Variants in RTN1 observed in about 807,000 individuals in gnomAD.
RTN1 encodes reticulon 1, also known as reticulon-1.
In RTN1, 25 loss-of-function variants were observed where a neutral mutation model predicts 65.5. The ratio of observed to expected loss-of-function variants is 0.38; its 90% CI spans 0.28 to 0.53. RTN1 has a LOEUF of 0.53. Ranked by LOEUF, RTN1 falls within the 20% of genes least tolerant of loss-of-function variation. RTN1 has a pLI of 0.79. For synonymous variants in RTN1, 471 were observed against 447.6 expected (o/e 1.05, Z -0.66); for missense variants, 983 against 1,025.4 (o/e 0.96, Z 0.57).
intron 1 of RTN1, among the ~76,000 whole-genome samples, chr14:59,768,912 T>G (rs1158602456): frequency 1.3e-5 from 2 of 152,154 alleles, no homozygotes; most frequent in African/African-American, 4.8e-5. Flanking sequence ...TAGAGAAAAG[T>G]CAGAGACTTG....
chr14:59,765,310 A>T lies in RTN1; in HGVS notation c.242-18829T>A, dbSNP rs576246753. Reference sequence around the variant, plus strand: ...TCAAACAAAAGTCCTTTTGCTGTAGAAGTGCCTGGTTATGGAAGTTTCTCA... The same window carrying T: ...TCAAACAAAAGTCCTTTTGCTGTAGTAGTGCCTGGTTATGGAAGTTTCTCA... On this transcript the variant is annotated intron_variant, in intron 1 of 8. Transcript: ENST00000267484. Among the ~76,000 whole-genome samples the T allele has an allele frequency of 5.3e-5, 8 of 152,308 alleles. No homozygotes were observed. The South Asian group carries it at 1.7e-3, about 32-fold the overall frequency.
chr14:59,866,622 A>T (rs911554599), intron 1 of RTN1, among the ~76,000 whole-genome samples: 3 of 152,178 alleles, frequency 2.0e-5, no homozygotes, highest in Non-Finnish European at 2.9e-5. Flanking sequence ...TATTGATTGT[A>T]TCCAGAGGAT....
chr14:59,693,530 C>A (rs1884003595), intron 3 of RTN1, among the ~76,000 whole-genome samples: 1 of 152,132 alleles, frequency 6.6e-6, no homozygotes, highest in East Asian at 1.9e-4. Flanking sequence ...TCCTATCAGA[C>A]CCCAAAGTCC....
intron 3 of RTN1, among the ~76,000 whole-genome samples, chr14:59,696,650 TG>T (rs1396098681): frequency 6.6e-6 from 1 of 152,104 alleles, no homozygotes; most frequent in African/African-American, 2.4e-5. Flanking sequence ...TCTACCAAGG[TG>T]TGGAGTCCAC....
At chr14:59,646,259 A>C (rs768523726) in intron 3 of RTN1, among the ~76,000 whole-genome samples, 7 of 152,238 alleles carry the variant, frequency 4.6e-5, no homozygotes, top group African/African-American at 1.7e-4. Flanking sequence ...TATACAGATA[A>C]AGAAAAAATA....
intron 3 of RTN1, chr14:59,630,298 G>T: frequency 1.1e-6 from 1 of 916,076 alleles, no homozygotes; most frequent in Non-Finnish European, 1.6e-6. Context: ...TTTGATTCTT[G>T]AAATAAGAGG....
chr14:59,857,371 T>G (rs1334134389), intron 1 of RTN1, among the ~76,000 whole-genome samples: 1 of 152,186 alleles, frequency 6.6e-6, no homozygotes, highest in Non-Finnish European at 1.5e-5. Flanking sequence ...GAAATTTCCA[T>G]TCAAATGGCT....
intron 1 of RTN1, among the ~76,000 whole-genome samples, chr14:59,753,240 G>T (rs796091514): frequency 6.6e-6 from 1 of 152,066 alleles, no homozygotes; most frequent in Non-Finnish European, 1.5e-5. Flanking sequence ...GCTATAAATA[G>T]AATCAACAAT....
intron 5 of RTN1, chr14:59,604,579 T>G (rs1881684090): frequency 6.6e-6 from 1 of 152,308 alleles, no homozygotes; most frequent in Non-Finnish European, 1.5e-5. Flanking sequence ...AAGTCATTAT[T>G]CCAGTAAAGC....
chr14:59,775,273 G>C (rs756544521), intron 1 of RTN1, among the ~76,000 whole-genome samples: 2 of 152,172 alleles, frequency 1.3e-5, no homozygotes, highest in Non-Finnish European at 2.9e-5. Flanking sequence ...CTGGGTCCCT[G>C]AATCACCTTT....
intron 1 of RTN1, among the ~76,000 whole-genome samples, chr14:59,812,941 T>C (rs1886755601): frequency 6.6e-6 from 1 of 152,188 alleles, no homozygotes; most frequent in South Asian, 2.1e-4. Context: ...AATAAAAGAA[T>C]TGCTGAACTT....
chr14:59,635,281 A>C (rs1305680197), intron 3 of RTN1, among the ~76,000 whole-genome samples: 2 of 152,238 alleles, frequency 1.3e-5, no homozygotes, highest in Non-Finnish European at 1.5e-5. Flanking sequence ...GAATGTAATC[A>C]TCATCTTGAA....
intron 2 of RTN1, among the ~76,000 whole-genome samples, chr14:59,742,554 TG>T (rs1885135671): frequency 6.6e-6 from 1 of 152,182 alleles, no homozygotes. Flanking sequence ...CTATTGGAAT[TG>T]GGAGAAATAT....
At chr14:59,680,337 T>G (rs1344401054) in intron 3 of RTN1, among the ~76,000 whole-genome samples, 1 of 152,208 alleles carries the variant, frequency 6.6e-6, no homozygotes. Flanking sequence ...GAGAAGTATT[T>G]CCAAGTGAAA....
At chr14:59,637,042 T>C (rs1420968814) in intron 3 of RTN1, among the ~76,000 whole-genome samples, 1 of 152,202 alleles carries the variant, frequency 6.6e-6, no homozygotes, top group East Asian at 1.9e-4. Flanking sequence ...GATTCTTCCT[T>C]TTATTAAAGA....
intron 3 of RTN1, among the ~76,000 whole-genome samples, chr14:59,693,755 A>G (rs1408774815): frequency 6.6e-6 from 1 of 152,210 alleles, no homozygotes; most frequent in African/African-American, 2.4e-5. Flanking sequence ...AGTCCAATTC[A>G]ATATGAATGC....
At chr14:59,812,966 T>G (rs1886756104) in intron 1 of RTN1, among the ~76,000 whole-genome samples, 2 of 152,158 alleles carry the variant, frequency 1.3e-5, no homozygotes, top group Non-Finnish European at 2.9e-5. Flanking sequence ...TTACTACCTA[T>G]TTTTCTTTTA....
At chr14:59,856,799 C>A (rs117990752) in intron 1 of RTN1, among the ~76,000 whole-genome samples, 2 of 152,188 alleles carry the variant, frequency 1.3e-5, no homozygotes, top group East Asian at 1.9e-4. Context: ...TGGCATCTGA[C>A]GCTACTGACC....
intron 1 of RTN1, among the ~76,000 whole-genome samples, chr14:59,815,189 C>A (rs1484621944): frequency 6.6e-6 from 1 of 152,182 alleles, no homozygotes; most frequent in Non-Finnish European, 1.5e-5. Flanking sequence ...GCACTGATGA[C>A]CATCCTAATC....
Sources: allele counts gnomAD v4.1 joint callset (sites outside exome capture counted in the v4.1 genomes callset), GRCh38; gene constraint gnomAD v4.1.1; transcripts MANE v1.5; gene names NCBI Gene and HGNC (gene_info 2026-07-23, HGNC 2026-07-21).